The following GPC6 variants were observed in gnomAD, a reference collection of about 807,000 sequenced individuals.
GPC6 encodes glypican-6.
A neutral mutation model predicts 55.2 loss-of-function variants in GPC6; 14 were observed. That is an observed-to-expected ratio of 0.25 (90% CI 0.17 to 0.40). GPC6 has a LOEUF of 0.40. Among genes scored for constraint, GPC6 ranks in the 10% least tolerant of loss-of-function variants. The probability of loss-of-function intolerance (pLI) is 1.00; values close to 1 mark genes in which losing one functional copy is unlikely to be tolerated. For missense variants in GPC6, 641 were observed against 708.5 expected, an observed-to-expected ratio of 0.90 and a Z score of 1.08; for synonymous variants, 278 against 259.6, an observed-to-expected ratio of 1.07 and a Z score of -0.68.
At chr13:93,496,222 C>T (rs1053419334) in intron 1 of GPC6, among the ~76,000 whole-genome samples, 24 of 152,310 alleles carry the variant, frequency 1.6e-4, no homozygotes, top group East Asian at 5.8e-4. Flanking sequence ...GATATAGTCT[C>T]GTGGTGCGCC....
intron 3 of GPC6, among the ~76,000 whole-genome samples, chr13:93,952,654 T>G (rs1879301572): frequency 6.6e-6 from 1 of 151,462 alleles, no homozygotes; most frequent in African/African-American, 2.4e-5. Context: ...TCTGTATATA[T>G]GTATGTATAT....
intron 3 of GPC6, among the ~76,000 whole-genome samples, chr13:93,936,247 G>GATAA (rs1878429915): frequency 6.6e-6 from 1 of 152,018 alleles, no homozygotes; most frequent in South Asian, 2.1e-4. Flanking sequence ...AGATAAAATG[G>GATAA]AATTTAGCCA....
At chr13:93,483,301 C>CT (rs376044614) in intron 1 of GPC6, among the ~76,000 whole-genome samples, 126 of 152,040 alleles carry the variant, frequency 8.3e-4, no homozygotes, top group African/African-American at 3.0e-3. Flanking sequence ...AATCACTGTG[C>CT]TTTTTTAGTT....
intron 6 of GPC6, among the ~76,000 whole-genome samples, chr13:94,374,374 A>C (rs1297707822): frequency 1.3e-5 from 2 of 150,918 alleles, no homozygotes; most frequent in Admixed American, 6.6e-5. Flanking sequence ...AGGAAGATCT[A>C]CCAAGCAAAT....
chr13:94,066,536 G>T (rs966677282), intron 4 of GPC6, among the ~76,000 whole-genome samples: 1 of 152,094 alleles, frequency 6.6e-6, no homozygotes, highest in Non-Finnish European at 1.5e-5. Flanking sequence ...CTTACATTTA[G>T]CATTCAACTG....
chr13:94,059,937 G>C lies in GPC6; in HGVS notation c.877+32043G>C, dbSNP rs549533870. ...CCAGTCTGTGGCAGCCTCTTTCCCTGCTCCCAGCTGCTAAAGATCTGCCAT... is the reference window on the plus strand; with the variant it reads ...CCAGTCTGTGGCAGCCTCTTTCCCTCCTCCCAGCTGCTAAAGATCTGCCAT... On this transcript the variant is annotated intron_variant, in intron 4 of 8. Transcript: ENST00000377047. Among the ~76,000 whole-genome samples the C allele has an allele frequency of 3.6e-3, 547 of 151,966 alleles. 4 individuals are homozygous for C. Among genetic ancestry groups the C allele is most frequent in the Non-Finnish European group, 6.4e-3 (433 of 67,964 alleles).
intron 3 of GPC6, among the ~76,000 whole-genome samples, chr13:93,929,700 A>G (rs1451233496): frequency 1.3e-5 from 2 of 152,140 alleles, no homozygotes; most frequent in Non-Finnish European, 2.9e-5. Context: ...TGTAGGCCAT[A>G]TACATAATTT....
At chr13:94,316,573 C>T (rs1049812056) in intron 6 of GPC6, among the ~76,000 whole-genome samples, 3 of 151,542 alleles carry the variant, frequency 2.0e-5, no homozygotes, top group African/African-American at 4.9e-5. Context: ...AAAAATTAGC[C>T]GGGCGTAGTG....
intron 2 of GPC6, among the ~76,000 whole-genome samples, chr13:93,798,026 C>T (rs1002116259): frequency 2.0e-5 from 3 of 152,056 alleles, no homozygotes; most frequent in Non-Finnish European, 2.9e-5. Context: ...ATGAATTGTA[C>T]TTTATGTTGG....
Position 93,763,769 on chromosome 13 carries a change from C to A in GPC6, c.320-66385C>A, listed in dbSNP as rs573272048. Among the ~76,000 whole-genome samples the A allele has an allele frequency of 1.2e-4, 19 of 152,174 alleles. No individual in the cohort carries two copies. The South Asian group carries it at 3.9e-3, about 32-fold the overall frequency. On this transcript the variant is annotated intron_variant, in intron 2 of 8. Transcript: ENST00000377047. ...TGCTGTGTTAGCATTAACTTGCTGA[C>A]CCTACGCTTTCTCCCCAAGATTTGA... is the stretch of plus-strand genomic sequence containing the variant.
intron 1 of GPC6, among the ~76,000 whole-genome samples, chr13:93,370,010 T>A (rs961413315): frequency 9.9e-5 from 15 of 152,102 alleles, no homozygotes; most frequent in Non-Finnish European, 1.6e-4. Flanking sequence ...ACTTTTCAAA[T>A]TCACTTAAAT....
intron 5 of GPC6, among the ~76,000 whole-genome samples, chr13:94,294,435 A>AT (rs1875206345): frequency 3.1e-5 from 4 of 129,806 alleles, no homozygotes; most frequent in Admixed American, 2.4e-4. Context: ...TCAAATGAAG[A>AT]TTAAAAAAAA....
chr13:93,826,320 A>G (rs2138974110), intron 2 of GPC6, among the ~76,000 whole-genome samples: 1 of 152,252 alleles, frequency 6.6e-6, no homozygotes, highest in African/African-American at 2.4e-5. Context: ...AACATACACA[A>G]TTGCATACAC....
intron 3 of GPC6, among the ~76,000 whole-genome samples, chr13:93,974,758 A>G (rs1880441649): frequency 2.0e-5 from 3 of 151,020 alleles, no homozygotes; most frequent in South Asian, 4.2e-4. Flanking sequence ...CCATTTCCTT[A>G]TTTTTTTTTG....
At chr13:93,703,031 C>T (rs1177973766) in intron 2 of GPC6, among the ~76,000 whole-genome samples, 1 of 151,970 alleles carries the variant, frequency 6.6e-6, no homozygotes, top group Non-Finnish European at 1.5e-5. Flanking sequence ...CTAGCTGTCA[C>T]AAGAGACCTA....
At chr13:93,918,629 T>G (rs1250513488) in intron 3 of GPC6, among the ~76,000 whole-genome samples, 3 of 152,180 alleles carry the variant, frequency 2.0e-5, no homozygotes, top group Non-Finnish European at 4.4e-5. Flanking sequence ...TACCAACCGA[T>G]GGCCCTCTCA....
At chr13:93,604,465 T>C (rs1371647355) in intron 2 of GPC6, among the ~76,000 whole-genome samples, 1 of 152,188 alleles carries the variant, frequency 6.6e-6, no homozygotes, top group African/African-American at 2.4e-5. Context: ...TTACAGAGTC[T>C]GTCACAGCCC....
At chr13:93,803,396 A>G (rs1886439740) in intron 2 of GPC6, among the ~76,000 whole-genome samples, 1 of 152,148 alleles carries the variant, frequency 6.6e-6, no homozygotes, top group Non-Finnish European at 1.5e-5. Context: ...ACCTTTTCCT[A>G]CCCATTATGA....
intron 4 of GPC6, among the ~76,000 whole-genome samples, chr13:94,261,271 T>C (rs1264476545): frequency 6.6e-6 from 1 of 152,124 alleles, no homozygotes; most frequent in Non-Finnish European, 1.5e-5. Context: ...TGAAACTCTG[T>C]CTCAAAAATG....
Sources: gnomAD v4.1 joint callset for allele counts (sites outside exome capture counted in the v4.1 genomes callset) on GRCh38, gnomAD v4.1.1 for gene constraint, MANE v1.5 for transcripts, NCBI Gene and HGNC (gene_info 2026-07-23, HGNC 2026-07-21) for gene names.